Variants in FGD3 observed in about 807,000 individuals in gnomAD.
FGD3 encodes the protein FYVE, RhoGEF and PH domain-containing protein 3.
In FGD3, 45 loss-of-function variants were observed where a neutral mutation model predicts 71.8. The ratio of observed to expected loss-of-function variants is 0.63; its 90% CI spans 0.49 to 0.80. FGD3 has a LOEUF of 0.80. Among genes scored for constraint, FGD3 ranks in the 30% least tolerant of loss-of-function variants. The pLI, the probability that FGD3 is intolerant of heterozygous loss-of-function variation, is 0.00. For missense variants in FGD3, 844 were observed against 951.5 expected (o/e 0.89, Z 1.49); for synonymous variants, 378 against 392.8 (o/e 0.96, Z 0.44).
chr9:93,015,854 C>T (rs769520900), intron 10 of FGD3, 25 bp downstream of exon 10: 2 of 1,605,862 alleles, frequency 1.2e-6, no homozygotes, highest in Admixed American at 1.7e-5. Context: ...CCATCTCAAA[C>T]CTGTCCCCCT....
At position 92,950,274 on chromosome 9, in the gene FGD3, G is replaced by A. The variant is rs1411228249; in HGVS notation, c.-218+2545G>A. Among the ~76,000 whole-genome samples the A allele has an allele frequency of 3.9e-5, 6 of 152,056 alleles. No individual in the cohort carries two copies. The East Asian group carries it at 7.7e-4, about 20-fold the overall frequency. On this transcript the variant is annotated intron_variant, in intron 1 of 17. Coordinates refer to ENST00000375482, the MANE Select transcript of FGD3 (RefSeq NM_001083536.2). ...CTACTAAAAATACAAAAAATTAGCC[G>A]GGCATGGTGGCGGGTGCTTGTAGTC...
At chr9:93,011,929 C>A (rs1277807602) in intron 8 of FGD3, among the ~76,000 whole-genome samples, 1 of 150,934 alleles carries the variant, frequency 6.6e-6, no homozygotes, top group East Asian at 2.0e-4. Flanking sequence ...GAGGCCGAGG[C>A]GGGTGGATCA....
rs1354082915 is a variant in FGD3 at position 93,003,031 on chromosome 9, G to C, written c.543+17G>C. On this transcript the variant is annotated intron_variant, in intron 4 of 17. Transcript: ENST00000375482. This position sits in a 1 kb window ranked among gnomAD's most constrained non-coding sequence, Gnocchi z 4.1. ...CTGGACCAGGTAGCCCACATGGCTT[G>C]GGGGCAGTTTCAGTATCTCTTAGCA... 6.2e-7 allele frequency: 1 copy of C among 1,612,772 alleles called. No homozygotes were observed. Among genetic ancestry groups the C allele is most frequent in the East Asian group, 2.2e-5 (1 of 44,876 alleles).
At position 93,034,757 on chromosome 9, in the gene FGD3, G is replaced by A. The variant is rs756365568; in HGVS notation, c.1926+76G>A. The A allele has an allele frequency of 3.4e-6, 5 of 1,490,808 alleles. No individual in the cohort carries two copies. In the South Asian group the frequency reaches 6.1e-5, roughly 18 times the overall value. The allele number at this position is 1,490,808 out of a possible 1,614,324, so 92.3% of individuals were successfully genotyped here. A position where few individuals can be genotyped will look rare whatever the true frequency, so the allele number is the denominator to read the frequency against. On this transcript the variant is annotated intron_variant, in intron 17 of 17. Coordinates refer to ENST00000375482, the MANE Select transcript of FGD3 (RefSeq NM_001083536.2). ...GGCCTGAGGCACCCACAGCAGGCCT[G>A]TGCCACCAGCTGGGGTCCACCTGCT... is the stretch of plus-strand genomic sequence containing the variant.
At chr9:93,006,203 G>A (rs1861047329) in intron 6 of FGD3, 23 bp downstream of exon 6, 2 of 1,512,832 alleles carry the variant, frequency 1.3e-6, no homozygotes, top group South Asian at 1.3e-5. Flanking sequence ...GTGGGAGTGT[G>A]GACACAGATG....
At chr9:93,015,175 G>A (rs1861620357) in intron 9 of FGD3, among the ~76,000 whole-genome samples, 1 of 152,152 alleles carries the variant, frequency 6.6e-6, no homozygotes, top group Admixed American at 6.5e-5. Context: ...ATTTGGTTTG[G>A]CTGGACGTGG....
chr9:93,005,994 A>G lies in FGD3; in HGVS notation c.681-30A>G, dbSNP rs762462992. 7.6e-6 allele frequency: 12 copies of G among 1,571,804 alleles called. No individual in the cohort carries two copies. The South Asian group carries it at 1.1e-4, about 14-fold the overall frequency. Reference sequence around the variant, plus strand: ...CTCAGAGTCCCCATTGCACCCAGCTATTTCTCTGATGATTCATTTCTCCAC... The same window carrying G: ...CTCAGAGTCCCCATTGCACCCAGCTGTTTCTCTGATGATTCATTTCTCCAC... On this transcript the variant is annotated intron_variant, in intron 5 of 17. Coordinates refer to ENST00000375482, the MANE Select transcript of FGD3 (RefSeq NM_001083536.2).
intron 13 of FGD3, among the ~76,000 whole-genome samples, chr9:93,021,299 G>A (rs1019173237): frequency 6.6e-6 from 1 of 152,182 alleles, no homozygotes; most frequent in Non-Finnish European, 1.5e-5. Context: ...GATTTCACAT[G>A]GAGACTTAGG....
chr9:92,950,273 C>T (rs1162251400), intron 1 of FGD3, among the ~76,000 whole-genome samples: 3 of 151,840 alleles, frequency 2.0e-5, no homozygotes, highest in Admixed American at 6.6e-5. Context: ...AAAAATTAGC[C>T]GGGCATGGTG....
chr9:93,028,021 CCTT>C (rs1215598479), intron 14 of FGD3, among the ~76,000 whole-genome samples: 2 of 152,134 alleles, frequency 1.3e-5, no homozygotes, highest in Non-Finnish European at 2.9e-5. Flanking sequence ...GCCTGGGCCT[CCTT>C]CTCCTTAAAC....
intron 13 of FGD3, among the ~76,000 whole-genome samples, chr9:93,022,043 G>A (rs1861938611): frequency 6.6e-6 from 1 of 152,202 alleles, no homozygotes; most frequent in Non-Finnish European, 1.5e-5. Flanking sequence ...GTGACTTGGT[G>A]TAAATTAGAG....
Position 93,035,380 on chromosome 9 carries a change from CTGAG to C in FGD3, c.1972_1975del (p.Ser658CysfsTer25), listed in dbSNP as rs775499762. On this transcript the variant is annotated frameshift_variant, in exon 18 of 18. Transcript: ENST00000375482. LOFTEE classifies it low-confidence loss of function (END_TRUNC). ...CACCATCCCTCTCCCCAGCTGCAAA[CTGAG>C]TGTGCCGGACCCTGAGGAGAGGCTG... 1.8e-5 allele frequency: 29 copies of C among 1,611,134 alleles called. No individual in the cohort carries two copies. The Admixed American group carries it at 3.5e-4, about 20-fold the overall frequency.
intron 15 of FGD3, 42 bp downstream of exon 15, chr9:93,030,038 G>C: frequency 6.2e-7 from 1 of 1,600,380 alleles, no homozygotes; most frequent in Non-Finnish European, 8.5e-7. Flanking sequence ...AGGCCACCCT[G>C]TCCTCTGCTC....
chr9:92,985,430 GA>G (rs1860153270), intron 3 of FGD3, among the ~76,000 whole-genome samples: 2 of 152,120 alleles, frequency 1.3e-5, no homozygotes, highest in Admixed American at 1.3e-4. Flanking sequence ...TAATTTTGAG[GA>G]AAAACAGTAT....
chr9:93,018,319 T>A, intron 11 of FGD3, 104 bp downstream of exon 11: 3 of 1,087,828 alleles, frequency 2.8e-6, no homozygotes, highest in Non-Finnish European at 4.1e-6. Flanking sequence ...GCTTAAAATT[T>A]AAAAGTACTG....
Position 93,015,717 on chromosome 9 carries a change from C to G in FGD3, c.1183-20C>G. 1 of 1,611,546 alleles carries G rather than the reference C, an allele frequency of 6.2e-7. No homozygotes were observed. Among genetic ancestry groups the G allele is most frequent in the Non-Finnish European group, 8.5e-7 (1 of 1,177,714 alleles). On this transcript the variant is annotated intron_variant, in intron 9 of 17. Coordinates refer to ENST00000375482, the MANE Select transcript of FGD3 (RefSeq NM_001083536.2). ...CCTGCGGGCAGCTCTCGTTCCTCAC[C>G]TGTGCCATCCCTCTTGCAGTTCAAC...
chr9:92,983,090 A>T (rs1276004649), intron 3 of FGD3, among the ~76,000 whole-genome samples: 1 of 152,150 alleles, frequency 6.6e-6, no homozygotes, highest in Non-Finnish European at 1.5e-5. Context: ...TGTCTAAAAA[A>T]AAAAAATTCA....
chr9:93,002,790 TG>T, intron 3 of FGD3, 134 bp from the exon 4 acceptor site: 2 of 774,932 alleles, frequency 2.6e-6, no homozygotes, highest in Non-Finnish European at 4.4e-6. Context: ...TGGCCCCTCC[TG>T]CCCCTTCTCT....
chr9:92,991,664 G>A (rs10992569), intron 3 of FGD3, among the ~76,000 whole-genome samples: 11,089 of 152,112 alleles, frequency 0.073, 703 homozygotes, highest in African/African-American at 0.17. Context: ...TGTCTGTTAG[G>A]TCCATTTGTT....
Sources: gnomAD v4.1 joint callset for allele counts (sites outside exome capture counted in the v4.1 genomes callset) on GRCh38, gnomAD v4.1.1 for gene constraint, Gnocchi (gnomAD v3.1) non-coding constraint, MANE v1.5 for transcripts, NCBI Gene and HGNC (gene_info 2026-07-23, HGNC 2026-07-21) for gene names.